ACOXL: variants seen among roughly 807,000 people sequenced by gnomAD.
The protein encoded by ACOXL is acyl-CoA oxidase like, also known as acyl-coenzyme A oxidase-like protein.
A neutral mutation model predicts 71.9 loss-of-function variants in ACOXL; 70 were observed. The observed-to-expected ratio is 0.97, with a 90% CI of 0.80 to 1.19. The LOEUF (loss-of-function observed/expected upper bound fraction) is 1.19, where lower values mean the gene tolerates loss of function less well. Ranked by LOEUF, ACOXL falls within the 50% of genes most tolerant of loss-of-function variation. The probability of loss-of-function intolerance (pLI) is 0.00; values close to 1 mark genes in which losing one functional copy is unlikely to be tolerated. For synonymous variants in ACOXL, 253 were observed against 281.6 expected (o/e 0.90, Z 1.02); for missense variants, 703 against 736.3 (o/e 0.95, Z 0.52).
intron 11 of ACOXL, among the ~76,000 whole-genome samples, chr2:110,915,350 ATGTGTGTGTGTGTGTG>A (rs3059185): frequency 1.1e-4 from 13 of 113,632 alleles, no homozygotes; most frequent in African/African-American, 3.5e-4. Context: ...ATATATATAT[ATGTGTGTGTGTGTGTG>A]TGTGTGTGTG....
At chr2:110,923,164 A>G (rs998121312) in intron 11 of ACOXL, among the ~76,000 whole-genome samples, 14 of 152,168 alleles carry the variant, frequency 9.2e-5, no homozygotes, top group Non-Finnish European at 1.8e-4. Flanking sequence ...AAGTTGGCAC[A>G]TTCTGCGACA....
At chr2:110,835,335 A>T (rs1406543994) in intron 9 of ACOXL, among the ~76,000 whole-genome samples, 2 of 152,090 alleles carry the variant, frequency 1.3e-5, no homozygotes, top group Non-Finnish European at 2.9e-5. Flanking sequence ...TAGTGAACAT[A>T]AGTTGCTGCT....
intron 11 of ACOXL, among the ~76,000 whole-genome samples, chr2:110,910,698 T>C (rs58822950): frequency 0.14 from 21,504 of 152,138 alleles, 1,730 homozygotes; most frequent in South Asian, 0.24. Context: ...ATCTGGTGGC[T>C]GTCGACATTG....
intron 17 of ACOXL, among the ~76,000 whole-genome samples, chr2:111,110,125 ATAACT>A (rs2069843265): frequency 6.6e-6 from 1 of 152,078 alleles, no homozygotes; most frequent in East Asian, 1.9e-4. Context: ...TGCAGGTCTA[ATAACT>A]TATTATTGTA....
intron 10 of ACOXL, among the ~76,000 whole-genome samples, chr2:110,905,399 A>G (rs968692277): frequency 2.0e-5 from 3 of 152,096 alleles, no homozygotes; most frequent in South Asian, 2.1e-4. Flanking sequence ...AGGCTGGAAC[A>G]CTCAAGTCAA....
intron 14 of ACOXL, among the ~76,000 whole-genome samples, chr2:111,000,123 C>A (rs577216084): frequency 6.6e-6 from 1 of 152,126 alleles, no homozygotes; most frequent in East Asian, 1.9e-4. Context: ...AGTACCTTGA[C>A]GAAATTATTA....
chr2:110,898,797 C>G (rs1030135424), intron 10 of ACOXL, among the ~76,000 whole-genome samples: 1 of 152,124 alleles, frequency 6.6e-6, no homozygotes, highest in Non-Finnish European at 1.5e-5. Context: ...AGTAATAAAA[C>G]TGTTTCTATA....
chr2:111,110,126 TA>T (rs538998341), intron 17 of ACOXL, among the ~76,000 whole-genome samples: 162 of 152,318 alleles, frequency 1.1e-3, no homozygotes, highest in African/African-American at 3.4e-3. Context: ...GCAGGTCTAA[TA>T]ACTTATTATT....
chr2:110,926,405 G>C (rs1350993735), intron 11 of ACOXL, among the ~76,000 whole-genome samples: 1 of 152,136 alleles, frequency 6.6e-6, no homozygotes, highest in Non-Finnish European at 1.5e-5. Context: ...TTGAGACAGG[G>C]CCCGGCATAT....
intron 11 of ACOXL, among the ~76,000 whole-genome samples, chr2:110,910,066 G>A (rs957688399): frequency 3.3e-5 from 5 of 151,992 alleles, no homozygotes; most frequent in South Asian, 2.1e-4. Context: ...TACTCTTCTC[G>A]TGTAATAAAC....
chr2:110,972,990 C>T (rs2062279137), intron 12 of ACOXL, among the ~76,000 whole-genome samples: 1 of 152,198 alleles, frequency 6.6e-6, no homozygotes, highest in South Asian at 2.1e-4. Flanking sequence ...GTGAGCCACC[C>T]TTATCAGTCA....
At chr2:110,834,669 G>A (rs1028170389) in intron 9 of ACOXL, among the ~76,000 whole-genome samples, 1 of 152,114 alleles carries the variant, frequency 6.6e-6, no homozygotes, top group Non-Finnish European at 1.5e-5. Flanking sequence ...CCATTGCCAG[G>A]TTCTTGCTCG....
intron 14 of ACOXL, among the ~76,000 whole-genome samples, chr2:111,030,195 TG>T (rs1388328999): frequency 6.6e-6 from 1 of 152,192 alleles, no homozygotes; most frequent in Admixed American, 6.5e-5. Context: ...TTCCTGGTGT[TG>T]TCCTTTACAG....
intron 10 of ACOXL, among the ~76,000 whole-genome samples, chr2:110,875,914 G>T (rs1184965201): frequency 1.3e-5 from 2 of 152,106 alleles, no homozygotes; most frequent in East Asian, 3.9e-4. Flanking sequence ...GGACATGCAG[G>T]AAAGAAACAG....
At chr2:110,847,542 A>G (rs1405420111) in intron 10 of ACOXL, among the ~76,000 whole-genome samples, 1 of 152,194 alleles carries the variant, frequency 6.6e-6, no homozygotes, top group Non-Finnish European at 1.5e-5. Flanking sequence ...CAAATTTTCC[A>G]TTTGGTTCTG....
intron 12 of ACOXL, among the ~76,000 whole-genome samples, chr2:110,961,224 T>C (rs1167244781): frequency 6.6e-6 from 1 of 152,212 alleles, no homozygotes; most frequent in African/African-American, 2.4e-5. Context: ...AAGGGCCAGG[T>C]AGAGTCCAGA....
Position 110,798,727 on chromosome 2 carries a change from T to A in ACOXL, c.460+3T>A, listed in dbSNP as rs1419880716. ...CATCATAGATGGAAGATCTCAAGGTTTGTTACCAATACAGACAACTAGAAT... is the reference window on the plus strand; with the variant it reads ...CATCATAGATGGAAGATCTCAAGGTATGTTACCAATACAGACAACTAGAAT... On this transcript the variant is annotated splice_donor_region_variant and intron_variant, in intron 6 of 17. Transcript: ENST00000439055. 6.2e-7 allele frequency: 1 copy of A among 1,611,594 alleles called. No individual in the cohort carries two copies. The highest frequency in any genetic ancestry group is 8.5e-7 in the Non-Finnish European group (1 of 1,177,672).
intron 10 of ACOXL, among the ~76,000 whole-genome samples, chr2:110,897,407 G>C: frequency 6.6e-6 from 1 of 152,176 alleles, no homozygotes; most frequent in Non-Finnish European, 1.5e-5. Flanking sequence ...GGGAAGTCCA[G>C]GATCAAGGCC....
At chr2:110,945,454 T>TTCC (rs1308198207) in intron 12 of ACOXL, among the ~76,000 whole-genome samples, 3 of 152,148 alleles carry the variant, frequency 2.0e-5, no homozygotes, top group Non-Finnish European at 4.4e-5. Context: ...CTAGGTTATC[T>TTCC]TCCAGGGTTT....
Sources: allele counts gnomAD v4.1 joint callset (sites outside exome capture counted in the v4.1 genomes callset), GRCh38; gene constraint gnomAD v4.1.1; transcripts MANE v1.5; gene names NCBI Gene and HGNC (gene_info 2026-07-23, HGNC 2026-07-21).